NUP160: variants seen among roughly 807,000 people sequenced by gnomAD.
NUP160 encodes the protein nucleoporin 160.
Under a neutral mutation model 196.9 loss-of-function variants are expected in NUP160, and 94 were observed. That is an observed-to-expected ratio of 0.48 (90% CI 0.40 to 0.57). The LOEUF (loss-of-function observed/expected upper bound fraction) is 0.57. Among genes scored for constraint, NUP160 ranks in the 20% least tolerant of loss-of-function variants. The probability of loss-of-function intolerance (pLI) is 0.00; values close to 1 mark genes in which losing one functional copy is unlikely to be tolerated. For synonymous variants in NUP160, 605 were observed against 619.7 expected (o/e 0.98, Z 0.35); for missense variants, 1,638 against 1,748.3 (o/e 0.94, Z 1.13).
Position 47,812,282 on chromosome 11 carries a change from T to C in NUP160, c.2080+20A>G. 1 of 1,613,698 alleles carries C rather than the reference T, an allele frequency of 6.2e-7. No homozygotes were observed. The stretch of plus-strand genomic sequence containing the variant: ...TCATTGTTTTAATCAAAGAGGCACA[T>C]TTGTTGTTCTGTCATTTACCTGGAT... On this transcript the variant is annotated intron_variant, in intron 16 of 35. Transcript: ENST00000378460.
exon 1 of NUP160, chr11:47,848,378 C>T (rs1205827289): frequency 1.2e-6 from 2 of 1,607,560 alleles, no homozygotes; most frequent in Non-Finnish European, 1.7e-6. Context: ...GTCGCCGTCA[C>T]TTCCGGGGGT....
intron 29 of NUP160, among the ~76,000 whole-genome samples, chr11:47,791,206 G>T (rs1160231063): frequency 2.0e-5 from 3 of 151,928 alleles, no homozygotes. Flanking sequence ...TCTTGAAATG[G>T]CAGGCAACCT....
intron 20 of NUP160, among the ~76,000 whole-genome samples, chr11:47,805,477 C>T (rs1471606346): frequency 7.2e-6 from 1 of 139,502 alleles, no homozygotes; most frequent in Non-Finnish European, 1.5e-5. Flanking sequence ...CGGAGTCTCA[C>T]TCTGTTGCCC....
At chr11:47,803,643 A>G (rs187817964) in intron 21 of NUP160, 107 bp from the exon 22 acceptor site, 665 of 688,968 alleles carry the variant, frequency 9.7e-4, no homozygotes, top group Middle Eastern at 2.5e-3. Context: ...TGTTTGAACA[A>G]ATGTTTTATT....
At chr11:47,820,343 A>G (rs906308664) in intron 9 of NUP160, 12 of 152,192 alleles carry the variant, frequency 7.9e-5, no homozygotes, top group Non-Finnish European at 1.6e-4. Flanking sequence ...TTGCAAACTA[A>G]TATCATCTAC....
At chr11:47,832,582 T>C (rs376477147) in intron 7 of NUP160, among the ~76,000 whole-genome samples, 1 of 152,234 alleles carries the variant, frequency 6.6e-6, no homozygotes, top group African/African-American at 2.4e-5. Flanking sequence ...GCGCATAGGA[T>C]GGTTTTCCAC....
chr11:47,833,319 G>A (rs920506501), intron 7 of NUP160, among the ~76,000 whole-genome samples: 7 of 152,026 alleles, frequency 4.6e-5, no homozygotes, highest in Non-Finnish European at 1.0e-4. Flanking sequence ...GCCGGGTATG[G>A]TGGCAGGTAC....
At chr11:47,839,003 C>CAA (rs147260240) in intron 4 of NUP160, among the ~76,000 whole-genome samples, 114 of 120,816 alleles carry the variant, frequency 9.4e-4, no homozygotes, top group South Asian at 2.9e-3. Context: ...AATCCCATCT[C>CAA]AAAAAAAAAA....
intron 23 of NUP160, among the ~76,000 whole-genome samples, chr11:47,799,515 A>C (rs2097672921): frequency 6.6e-6 from 1 of 152,172 alleles, no homozygotes; most frequent in Admixed American, 6.5e-5. Flanking sequence ...GCATTTATAA[A>C]GGATGAAGAT....
At chr11:47,839,302 G>T (rs1852249096) in intron 4 of NUP160, among the ~76,000 whole-genome samples, 1 of 152,130 alleles carries the variant, frequency 6.6e-6, no homozygotes, top group Non-Finnish European at 1.5e-5. Flanking sequence ...TGTTGGTCAG[G>T]TTGATCTCCA....
chr11:47,846,583 A>G (rs1358816927), intron 2 of NUP160, among the ~76,000 whole-genome samples: 1 of 152,140 alleles, frequency 6.6e-6, no homozygotes, highest in Non-Finnish European at 1.5e-5. Flanking sequence ...TAGTGAATCT[A>G]TCTTCCAAAG....
chr11:47,792,915 C>G lies in NUP160; in HGVS notation c.3321G>C (p.Arg1107=), dbSNP rs61755075. The stretch of plus-strand genomic sequence containing the variant: ...GGAGAGTTCGAACTTCTCTGCCAAG[C>G]CGCATTCCATACTCAAACATCACTG... The change falls in exon 28 of 36, where the codon CGG becomes CGC. Residue 1107 remains arginine (R), a synonymous_variant. Coordinates refer to ENST00000378460, the Ensembl canonical transcript of NUP160. The G allele has an allele frequency of 3.1e-5, 50 of 1,613,946 alleles. No homozygotes were observed. The East Asian group carries it at 9.8e-4, about 32-fold the overall frequency.
At chr11:47,830,349 C>T (rs1437617218) in intron 7 of NUP160, among the ~76,000 whole-genome samples, 1 of 152,204 alleles carries the variant, frequency 6.6e-6, no homozygotes, top group African/African-American at 2.4e-5. Context: ...ACTCAGCAAT[C>T]CCATTACTGG....
intron 23 of NUP160, 84 bp downstream of exon 23, chr11:47,801,727 T>C: frequency 7.8e-7 from 1 of 1,288,594 alleles, no homozygotes; most frequent in Non-Finnish European, 1.1e-6. Flanking sequence ...TTTTATAGTA[T>C]TTTTCTCCAA....
chr11:47,805,610 A>AT (rs977200709), intron 20 of NUP160, among the ~76,000 whole-genome samples: 4 of 149,358 alleles, frequency 2.7e-5, no homozygotes, highest in Non-Finnish European at 4.5e-5. Flanking sequence ...TGCCTGGCTA[A>AT]TTTTTTTTTG....
At chr11:47,844,346 C>T (rs1257955287) in intron 2 of NUP160, among the ~76,000 whole-genome samples, 1 of 152,190 alleles carries the variant, frequency 6.6e-6, no homozygotes, top group African/African-American at 2.4e-5. Flanking sequence ...TAACCTTCCA[C>T]AGCTTCTTCT....
At chr11:47,824,756 C>T (rs1851934075) in intron 7 of NUP160, among the ~76,000 whole-genome samples, 1 of 152,224 alleles carries the variant, frequency 6.6e-6, no homozygotes. Context: ...CTTCCTACCT[C>T]AGCCTCCCTA....
intron 7 of NUP160, chr11:47,827,230 C>T (rs760565149): frequency 1.1e-4 from 48 of 440,512 alleles, no homozygotes; most frequent in Middle Eastern, 1.2e-3. Context: ...CATGTGTGGT[C>T]GCACACACCT....
At chr11:47,831,742 C>G (rs1852077028) in intron 7 of NUP160, among the ~76,000 whole-genome samples, 1 of 147,184 alleles carries the variant, frequency 6.8e-6, no homozygotes, top group South Asian at 2.2e-4. Flanking sequence ...ACTTGGGAAG[C>G]TGAGGCAGGG....
Sources: gnomAD v4.1 joint callset for allele counts (sites outside exome capture counted in the v4.1 genomes callset) on GRCh38, gnomAD v4.1.1 for gene constraint, MANE v1.5 for transcripts, NCBI Gene and HGNC (gene_info 2026-07-23, HGNC 2026-07-21) for gene names.